Variants in S100A7A observed in about 807,000 individuals in gnomAD.
S100A7A encodes the protein protein S100-A7A.
A neutral mutation model predicts 4.0 loss-of-function variants in S100A7A; 5 were observed. The ratio of observed to expected loss-of-function variants is 1.26; its 90% confidence interval spans 0.66 to 2.66. The LOEUF (loss-of-function observed/expected upper bound fraction) is 2.66, where lower values mean the gene tolerates loss of function less well. S100A7A is among the 30% of genes most tolerant of loss of function. S100A7A has a pLI of 0.01. For synonymous variants in S100A7A, 52 were observed against 46.4 expected (o/e 1.12, Z -0.49); for missense variants, 159 against 125.1 (o/e 1.27, Z -1.29).
rs149589573 is a variant in S100A7A, at chr1:153,416,838, C to T, written c.-18+275C>T. ...AGTGGGACCTGAGCACAGGACCCTC[C>T]CTTTCCTTCCTGTCTTCTTCCTCCC... On this transcript the variant is annotated intron_variant, in intron 1 of 2. Coordinates refer to ENST00000368729, the MANE Select transcript of S100A7A (RefSeq NM_176823.4). Among the ~76,000 whole-genome samples, 595 of 152,364 alleles carry T rather than the reference C, an allele frequency of 3.9e-3. 4 individuals are homozygous for T. Among genetic ancestry groups the T allele is most frequent in the African/African-American group, 0.013 (551 of 41,586 alleles).
At chr1:153,418,017 G>T in intron 1 of S100A7A, 49 bp from the exon 2 acceptor site, 2 of 1,599,488 alleles carry the variant, frequency 1.3e-6, no homozygotes, top group South Asian at 2.2e-5. Flanking sequence ...CCCACATAGA[G>T]ACCTTAATTC....
At position 153,419,220 on chromosome 1, in the gene S100A7A, T is replaced by A. The variant is rs750625219; in HGVS notation, c.217T>A (p.Ser73Thr). Residue 73 changes from serine (S) to threonine (T), a missense_variant, in exon 3 of 3, where the codon TCT becomes ACT. Physicochemically the swap from Ser to Thr is moderately conservative, Grantham distance 58 (BLOSUM62 1). Transcript: ENST00000368729. The part of the protein sequence containing the change: ...DKNEDKKIDF[S>T]EFLSLLGDIA... ...GAATGAGGATAAGAAGATTGATTTT[T>A]CTGAGTTTCTGTCCTTGCTGGGAGA... 1 of 1,614,096 alleles carries A rather than the reference T, an allele frequency of 6.2e-7. No individual in the cohort carries two copies. The highest frequency in any genetic ancestry group is 1.3e-5 in the African/African-American group (1 of 74,930).
intron 1 of S100A7A, among the ~76,000 whole-genome samples, chr1:153,416,986 T>G (rs75940104): frequency 0.014 from 2,183 of 151,832 alleles, 55 homozygotes; most frequent in African/African-American, 0.05. Flanking sequence ...CCCCAGGCCT[T>G]GGACCTGTAA....
Position 153,422,464 on chromosome 1 carries a change from A to T in S100A7A, c.*3155A>T. 1 of 954,892 alleles carries T rather than the reference A, an allele frequency of 1.0e-6. No homozygotes were observed. The highest frequency in any genetic ancestry group is 1.2e-6 in the Non-Finnish European group (1 of 802,100). The allele number at this position is 954,892 out of a possible 1,614,324, so 59.2% of individuals were successfully genotyped here. A position where few individuals can be genotyped will look rare whatever the true frequency, so the allele number is the denominator to read the frequency against. ...TTGGAATAATTAATAGCTACTGGAC[A>T]TTATATTGGTACTAAAGAGAAAGAA... On this transcript the variant is annotated 3_prime_UTR_variant, in exon 3 of 3. Transcript: ENST00000368729.
chr1:153,419,502 T>C lies in S100A7A; in HGVS notation c.*193T>C. On this transcript the variant is annotated 3_prime_UTR_variant, in exon 3 of 3. Transcript: ENST00000368729. ...CAGGAGTAATGTCCCTCCAGCAACG[T>C]TCCCCCTATGGCCTCCAGCAGAGCT... The C allele has an allele frequency of 1.6e-6, 1 of 639,738 alleles. No homozygotes were observed. The highest frequency in any genetic ancestry group is 2.7e-6 in the Non-Finnish European group (1 of 369,770). 39.6% of individuals were successfully genotyped at this position (639,738 alleles called of 1,614,324 possible).
Position 153,418,191 on chromosome 1 carries a change from AAGG to A in S100A7A, c.112_114del (p.Glu38del). On this transcript the variant is annotated inframe_deletion, in exon 2 of 3. Transcript: ENST00000368729. Reference sequence around the variant, plus strand: ...GAAGCCAAGCCTGCTGACGATGATGAAGGAGAACTTCCCCAATTTCCTCAGTGC... The same window carrying A: ...GAAGCCAAGCCTGCTGACGATGATGAAGAACTTCCCCAATTTCCTCAGTGC... 2 of 1,613,968 alleles carry A rather than the reference AAGG, an allele frequency of 1.2e-6. No homozygotes were observed. The highest frequency in any genetic ancestry group is 1.3e-5 in the African/African-American group (1 of 75,024).
At chr1:153,418,418 A>C (rs1164653820) in intron 2 of S100A7A, among the ~76,000 whole-genome samples, 195 bp downstream of exon 2, 1 of 152,206 alleles carries the variant, frequency 6.6e-6, no homozygotes, top group Admixed American at 6.5e-5. Context: ...GGAAAGAGTT[A>C]TACAGATATA....
rs747064935 is a variant in S100A7A at position 153,419,249 on chromosome 1, A to G, written c.246A>G (p.Ile82Met). 7 of 1,614,202 alleles carry G rather than the reference A, an allele frequency of 4.3e-6. No homozygotes were observed. The Admixed American group carries it at 1.2e-4, about 27-fold the overall frequency. ...AGTTTCTGTCCTTGCTGGGAGACATAGCCGCAGACTACCACAAGCAGAGCC... is the reference window on the plus strand; with the variant it reads ...AGTTTCTGTCCTTGCTGGGAGACATGGCCGCAGACTACCACAAGCAGAGCC... ...FSEFLSLLGD[I>M]AADYHKQSHG... Residue 82 changes from isoleucine to methionine, a missense_variant, in exon 3 of 3, where the codon ATA becomes ATG. Transcript: ENST00000368729.
rs1662784815 is a variant in S100A7A at position 153,418,177 on chromosome 1, T to C, written c.95T>C (p.Leu32Pro). 2 of 1,614,050 alleles carry C rather than the reference T, an allele frequency of 1.2e-6. No homozygotes were observed. Among genetic ancestry groups the C allele is most frequent in the African/African-American group, 2.7e-5 (2 of 75,036 alleles). ...GATGGCAAGATTGAGAAGCCAAGCC[T>C]GCTGACGATGATGAAGGAGAACTTC... ...GRDGKIEKPS[L>P]LTMMKENFPN... Residue 32 changes from leucine (L) to proline (P), a missense_variant, in exon 2 of 3, where the codon CTG becomes CCG. By Grantham distance (98) the Leu-to-Pro change is moderately conservative. Coordinates refer to ENST00000368729, the MANE Select transcript of S100A7A (RefSeq NM_176823.4).
In S100A7A at chr1:153,418,002, A is replaced by G. The variant is rs1276250085; in HGVS notation, c.-17-64A>G. On this transcript the variant is annotated intron_variant, in intron 1 of 2. Transcript: ENST00000368729. Reference sequence around the variant, plus strand: ...TACTCTGTCCTCAGCCCTCCTTCTAACACCCCCACATAGAGACCTTAATTC... The same window carrying G: ...TACTCTGTCCTCAGCCCTCCTTCTAGCACCCCCACATAGAGACCTTAATTC... 14 of 1,583,926 alleles carry G rather than the reference A, an allele frequency of 8.8e-6. No individual in the cohort carries two copies. In the East Asian group the frequency reaches 1.3e-4, roughly 15 times the overall value.
Position 153,420,283 on chromosome 1 carries a change from C to T in S100A7A, c.*974C>T, listed in dbSNP as rs1315755049. On this transcript the variant is annotated 3_prime_UTR_variant, in exon 3 of 3. Coordinates refer to ENST00000368729, the MANE Select transcript of S100A7A (RefSeq NM_176823.4). ...GAAACAGGCAGGACACAGTGCTGTCCTAGCAGTGCACTGGCGGGTCTCTCC... is the reference window on the plus strand; with the variant it reads ...GAAACAGGCAGGACACAGTGCTGTCTTAGCAGTGCACTGGCGGGTCTCTCC... 4 of 152,234 alleles carry T rather than the reference C, an allele frequency of 2.6e-5. No homozygotes were observed. Among genetic ancestry groups the T allele is most frequent in the Non-Finnish European group, 4.4e-5 (3 of 68,114 alleles). 9.4% of individuals were successfully genotyped at this position (152,234 alleles called of 1,614,324 possible).
rs1386338650 is a variant in S100A7A, at chr1:153,422,595, T to G, written c.*3286T>G. 1 of 950,128 alleles carries G rather than the reference T, an allele frequency of 1.1e-6. No individual in the cohort carries two copies. Among genetic ancestry groups the G allele is most frequent in the Non-Finnish European group, 1.3e-6 (1 of 799,390 alleles). 58.9% of individuals were successfully genotyped at this position (950,128 alleles called of 1,614,324 possible). A position where few individuals can be genotyped will look rare whatever the true frequency, so the allele number is the denominator to read the frequency against. On this transcript the variant is annotated 3_prime_UTR_variant, in exon 3 of 3. Transcript: ENST00000368729. Reference sequence around the variant, plus strand: ...CTGATATCAAAACATTCCAATAACTTTTTTTTTTCAGGCGCAGTCTCACTC... The same window carrying G: ...CTGATATCAAAACATTCCAATAACTGTTTTTTTTCAGGCGCAGTCTCACTC...
chr1:153,417,928 TC>T, intron 1 of S100A7A, 137 bp from the exon 2 acceptor site: 1 of 1,002,420 alleles, frequency 1.0e-6, no homozygotes, highest in Non-Finnish European at 1.4e-6. Flanking sequence ...ACTTATCCCA[TC>T]ACATTTAAAA....
intron 2 of S100A7A, 151 bp from the exon 3 acceptor site, chr1:153,418,994 A>G: frequency 1.3e-6 from 1 of 792,336 alleles, no homozygotes; most frequent in African/African-American, 1.7e-5. Flanking sequence ...CCTCACCCCA[A>G]CTTCACCCAC....
chr1:153,417,287 T>C (rs1486196645), intron 1 of S100A7A: 2 of 152,274 alleles, frequency 1.3e-5, no homozygotes, highest in African/African-American at 4.8e-5. Flanking sequence ...AAGTCAGACA[T>C]TTTTATTTAA....
In S100A7A at chr1:153,419,668, G is replaced by A. The variant is rs1193780594; in HGVS notation, c.*359G>A. 3.8e-6 allele frequency: 1 copy of A among 260,282 alleles called. No individual in the cohort carries two copies. 16.1% of individuals were successfully genotyped at this position (260,282 alleles called of 1,614,324 possible). A position where few individuals can be genotyped will look rare whatever the true frequency, so the allele number is the denominator to read the frequency against. ...CTCTCCTTGTCAAGGCATGGACCAG[G>A]GTCATTCAGACACATTCAGATACTG... On this transcript the variant is annotated 3_prime_UTR_variant, in exon 3 of 3. Transcript: ENST00000368729.
Position 153,420,700 on chromosome 1 carries a change from C to T in S100A7A, c.*1391C>T, listed in dbSNP as rs1662877366. 1 of 152,280 alleles carries T rather than the reference C, an allele frequency of 6.6e-6. No homozygotes were observed. The highest frequency in any genetic ancestry group is 1.5e-5 in the Non-Finnish European group (1 of 68,108). The allele number at this position is 152,280 out of a possible 1,614,324, so 9.4% of individuals were successfully genotyped here. A position where few individuals can be genotyped will look rare whatever the true frequency, so the allele number is the denominator to read the frequency against. On this transcript the variant is annotated 3_prime_UTR_variant, in exon 3 of 3. Transcript: ENST00000368729. Reference sequence around the variant, plus strand: ...CATTTTCACCTCTAAATCCCCATGTCTGACCATTAGTTTTCTTCTCTTTCC... The same window carrying T: ...CATTTTCACCTCTAAATCCCCATGTTTGACCATTAGTTTTCTTCTCTTTCC...
In S100A7A at chr1:153,419,267, G is replaced by A. The variant is rs542682503; in HGVS notation, c.264G>A (p.Lys88=). The change falls in exon 3 of 3, where the codon AAG becomes AAA. Residue 88 remains lysine (K), a synonymous_variant. Transcript: ENST00000368729. The part of the protein sequence containing the change: ...LLGDIAADYH[K]QSHGAAPCSG... Reference sequence around the variant, plus strand: ...GAGACATAGCCGCAGACTACCACAAGCAGAGCCATGGAGCGGCGCCCTGTT... The same window carrying A: ...GAGACATAGCCGCAGACTACCACAAACAGAGCCATGGAGCGGCGCCCTGTT... 3.7e-6 allele frequency: 6 copies of A among 1,614,182 alleles called. No homozygotes were observed. The African/African-American group carries it at 6.7e-5, about 18-fold the overall frequency.
intron 2 of S100A7A, among the ~76,000 whole-genome samples, chr1:153,418,559 C>T (rs1662801084): frequency 6.6e-6 from 1 of 152,144 alleles, no homozygotes; most frequent in Non-Finnish European, 1.5e-5. Flanking sequence ...AAAGGCCCCA[C>T]ATCAACATCC....
Sources: gnomAD v4.1 joint callset for allele counts (sites outside exome capture counted in the v4.1 genomes callset) on GRCh38, gnomAD v4.1.1 for gene constraint, MANE v1.5 for transcripts, NCBI Gene and HGNC (gene_info 2026-07-23, HGNC 2026-07-21) for gene names.